Variants in EFHB observed in about 807,000 individuals in gnomAD.
EFHB encodes EF-hand domain family member B.
In EFHB, 91 loss-of-function variants were observed where a neutral mutation model predicts 87.2. The observed-to-expected ratio is 1.04, with a 90% CI of 0.88 to 1.24. The LOEUF (loss-of-function observed/expected upper bound fraction) is 1.24, where lower values mean the gene tolerates loss of function less well. Among genes scored for constraint, EFHB ranks in the 50% most tolerant of loss-of-function variants. The pLI is 0.00. For missense variants in EFHB, 1,084 were observed against 998.8 expected (o/e 1.09, Z -1.15); for synonymous variants, 325 against 333.6 (o/e 0.97, Z 0.28).
chr3:19,920,572 G>C lies in EFHB; in HGVS notation c.790-5C>G. On this transcript the variant is annotated splice_polypyrimidine_tract_variant and splice_region_variant and intron_variant, in intron 1 of 12. Coordinates refer to ENST00000295824, the MANE Select transcript of EFHB (RefSeq NM_144715.4). ...AACTGGAATAACTTTTCCTGCCTTT[G>C]GGGGAAAAAAATGGGTTGATCATTG... 2 of 1,588,092 alleles carry C rather than the reference G, an allele frequency of 1.3e-6. No individual in the cohort carries two copies. The highest frequency in any genetic ancestry group is 1.7e-6 in the Non-Finnish European group (2 of 1,170,940).
chr3:19,936,876 T>TAAATAAAC (rs1395784149), upstream of EFHB, among the ~76,000 whole-genome samples: 1 of 80,240 alleles, frequency 1.2e-5, no homozygotes, highest in African/African-American at 4.6e-5. Context: ...CTCAAAATAA[T>TAAATAAAC]AAATAAATAA....
At chr3:19,893,949 A>G (rs1339207313) in intron 9 of EFHB, among the ~76,000 whole-genome samples, 2 of 152,232 alleles carry the variant, frequency 1.3e-5, no homozygotes, top group Non-Finnish European at 2.9e-5. Flanking sequence ...TAAGTTAACA[A>G]TGTTTACATA....
rs997127298 is a variant in EFHB, at chr3:19,903,125, C to T, written c.1418+2495G>A. On this transcript the variant is annotated intron_variant, in intron 6 of 12. Coordinates refer to ENST00000295824, the MANE Select transcript of EFHB (RefSeq NM_144715.4). Reference sequence around the variant, plus strand: ...CCAGAAGGCAAAGGTTGCAGTGAGCCGAGATCATGCCACTGCAATCTAGTC... The same window carrying T: ...CCAGAAGGCAAAGGTTGCAGTGAGCTGAGATCATGCCACTGCAATCTAGTC... 9.3e-5 allele frequency among the ~76,000 whole-genome samples: 14 copies of T among 151,240 alleles called. No individual in the cohort carries two copies. The East Asian group carries it at 2.1e-3, about 23-fold the overall frequency.
chr3:19,940,883 G>C, intron 1 of EFHB: 1 of 354,010 alleles, frequency 2.8e-6, no homozygotes, highest in South Asian at 2.8e-5. Context: ...CAGGCTGCCT[G>C]TCAGAGTAGG....
At position 19,908,583 on chromosome 3, in the gene EFHB, AGAGAGAGAGAGAGAG is replaced by A. The variant is rs1559459605; in HGVS notation, c.1289-2849_1289-2835del. ...GAGAAAGAGAGAGAGAGAGAGAGAG[AGAGAGAGAGAGAGAG>A]AGAAAGAAAGAAAGAAAGAAAGAAA... On this transcript the variant is annotated intron_variant, in intron 5 of 12. Coordinates refer to ENST00000295824, the MANE Select transcript of EFHB (RefSeq NM_144715.4). Among the ~76,000 whole-genome samples the A allele has an allele frequency of 9.4e-3, 1,183 of 125,618 alleles. 20 individuals are homozygous for A. Among genetic ancestry groups the A allele is most frequent in the African/African-American group, 0.036 (1,101 of 30,722 alleles). 82.4% of individuals were successfully genotyped at this position (125,618 alleles called of 152,430 possible).
Position 19,918,379 on chromosome 3 carries a change from T to A in EFHB, c.1030A>T (p.Thr344Ser). 1 of 1,611,146 alleles carries A rather than the reference T, an allele frequency of 6.2e-7. No individual in the cohort carries two copies. ...TTATCTTTAATTTTCTGTTGAAATG[T>A]GGTAATAGGCTGTGGGTTTATCAAT... Reference protein sequence around the residue: ...NTLINPQPITTFQQKIKDKKE... With the variant: ...NTLINPQPITSFQQKIKDKKE... Residue 344 changes from threonine to serine, a missense_variant, in exon 4 of 13, where the codon ACA (threonine) becomes TCA (serine). Coordinates refer to ENST00000295824, the MANE Select transcript of EFHB (RefSeq NM_144715.4).
chr3:19,914,963 A>G (rs139444467), intron 5 of EFHB, among the ~76,000 whole-genome samples: 1 of 151,980 alleles, frequency 6.6e-6, no homozygotes, highest in Non-Finnish European at 1.5e-5. Flanking sequence ...GTGGTGGTGC[A>G]CACCTGTAGT....
At chr3:19,901,942 T>C (rs569353385) in intron 6 of EFHB, among the ~76,000 whole-genome samples, 12 of 147,996 alleles carry the variant, frequency 8.1e-5, no homozygotes, top group Non-Finnish European at 1.5e-4. Flanking sequence ...AGAGTGAAAC[T>C]CTGTCTCAAA....
chr3:19,897,938 A>G (rs1694542403), intron 8 of EFHB, among the ~76,000 whole-genome samples: 1 of 152,226 alleles, frequency 6.6e-6, no homozygotes, highest in Non-Finnish European at 1.5e-5. Flanking sequence ...AACATTTTTC[A>G]TAGTGGTTCT....
upstream of EFHB, among the ~76,000 whole-genome samples, chr3:19,934,527 A>G (rs1008927977): frequency 1.1e-4 from 15 of 137,774 alleles, no homozygotes; most frequent in East Asian, 3.0e-3. Flanking sequence ...CTTCCCCTCT[A>G]TCCCTGCTTC....
At chr3:19,880,891 C>A (rs1486142907) in intron 12 of EFHB, among the ~76,000 whole-genome samples, 1 of 149,514 alleles carries the variant, frequency 6.7e-6, no homozygotes, top group Admixed American at 6.7e-5. Context: ...TTAAAAGAAG[C>A]ATTTACTATG....
chr3:19,916,449 AGG>A (rs1355430730), intron 4 of EFHB, among the ~76,000 whole-genome samples: 82 of 152,178 alleles, frequency 5.4e-4, no homozygotes, highest in Non-Finnish European at 1.0e-3. Context: ...TGGGAGGCAG[AGG>A]TTGCAGGGAG....
At chr3:19,943,095 G>A in intron 1 of EFHB, 1 of 255,994 alleles carries the variant, frequency 3.9e-6, no homozygotes, top group Admixed American at 4.1e-5. Flanking sequence ...TGTCCAATCA[G>A]CAATCAGATT....
At position 19,915,471 on chromosome 3, in the gene EFHB, G is replaced by A. The variant is rs906543980; in HGVS notation, c.1178-58C>T. ...TCACTTTTTAACCTATTTATAATAC[G>A]TTTATATTGACTAGAACAAATGAGA... On this transcript the variant is annotated intron_variant, in intron 4 of 12. Transcript: ENST00000295824. 42 of 1,116,462 alleles carry A rather than the reference G, an allele frequency of 3.8e-5. 1 individual carries two copies. The highest frequency in any genetic ancestry group is 2.2e-4 in the Middle Eastern group (1 of 4,568). 69.2% of individuals were successfully genotyped at this position (1,116,462 alleles called of 1,614,324 possible). A position where few individuals can be genotyped will look rare whatever the true frequency, so the allele number is the denominator to read the frequency against.
At chr3:19,891,081 T>A (rs1352570005) in intron 9 of EFHB, among the ~76,000 whole-genome samples, 2 of 151,004 alleles carry the variant, frequency 1.3e-5, no homozygotes, top group Non-Finnish European at 2.9e-5. Context: ...TTGCTGCTGC[T>A]GCTGAGACAG....
intron 5 of EFHB, among the ~76,000 whole-genome samples, chr3:19,913,644 A>AAACCCTACCAAATTACCAATGAC (rs1321511864): frequency 6.6e-6 from 1 of 152,198 alleles, no homozygotes; most frequent in African/African-American, 2.4e-5. Flanking sequence ...GATTCAATGC[A>AAACCCTACCAAATTACCAATGAC]AACCCTACCA....
intron 1 of EFHB, among the ~76,000 whole-genome samples, chr3:19,939,496 C>A (rs989200660): frequency 6.7e-6 from 1 of 149,780 alleles, no homozygotes; most frequent in South Asian, 2.1e-4. Flanking sequence ...GCCATTCTCC[C>A]GCCTCAGCCT....
intron 1 of EFHB, among the ~76,000 whole-genome samples, chr3:19,932,870 G>A (rs1181492251): frequency 6.6e-6 from 1 of 152,098 alleles, no homozygotes; most frequent in African/African-American, 2.4e-5. Flanking sequence ...ACAATGAATG[G>A]AAAAAGAAAC....
chr3:19,884,541 C>T lies in EFHB; in HGVS notation c.2008G>A (p.Glu670Lys). 3 of 1,613,968 alleles carry T rather than the reference C, an allele frequency of 1.9e-6. No homozygotes were observed. Among genetic ancestry groups the T allele is most frequent in the Non-Finnish European group, 1.7e-6 (2 of 1,179,882 alleles). ...CCTGCTTCTTTTAAGACAATATCTT[C>T]TGGCTTTATGAGGAGAGTTTGTTCA... is the stretch of plus-strand genomic sequence containing the variant. ...EPEQTLLIKP[E>K]DIVLKEAGST... The change falls in exon 11 of 13, where the codon GAA becomes AAA. Residue 670 changes from glutamate (E) to lysine (K), a missense_variant. Glu to Lys is a moderately conservative substitution (Grantham distance 56, BLOSUM62 1). Coordinates refer to ENST00000295824, the MANE Select transcript of EFHB (RefSeq NM_144715.4).
Sources: allele counts gnomAD v4.1 joint callset (sites outside exome capture counted in the v4.1 genomes callset), GRCh38; gene constraint gnomAD v4.1.1; transcripts MANE v1.5; gene names NCBI Gene and HGNC (gene_info 2026-07-23, HGNC 2026-07-21).